Variants in FNTB observed in about 807,000 individuals in gnomAD.
The protein encoded by FNTB is farnesyltransferase, CAAX box, subunit beta.
A neutral mutation model predicts 59.4 loss-of-function variants in FNTB; 27 were observed. The observed-to-expected ratio is 0.45, with a 90% CI of 0.34 to 0.63. The LOEUF (loss-of-function observed/expected upper bound fraction) is 0.63, where lower values mean the gene tolerates loss of function less well. FNTB is among the 20% of genes least tolerant of loss of function. The pLI is 0.02. For missense variants in FNTB, 449 were observed against 559.6 expected, an observed-to-expected ratio of 0.80 and a Z score of 1.99; for synonymous variants, 230 against 220.7, an observed-to-expected ratio of 1.04 and a Z score of -0.37.
At chr14:65,049,878 A>G (rs1273217054) in intron 9 of FNTB, among the ~76,000 whole-genome samples, 3 of 152,046 alleles carry the variant, frequency 2.0e-5, no homozygotes, top group Non-Finnish European at 2.9e-5. Context: ...CATTTTCATC[A>G]CTCATCCCCC....
chr14:65,050,496 C>G (rs2062582637), intron 9 of FNTB, among the ~76,000 whole-genome samples: 1 of 152,128 alleles, frequency 6.6e-6, no homozygotes, highest in Non-Finnish European at 1.5e-5. Flanking sequence ...GAGGCTGAGA[C>G]AGGAGAATGA....
At position 65,027,051 on chromosome 14, in the gene FNTB, T is replaced by G. The variant is rs936949537; in HGVS notation, c.375-402T>G. Among the ~76,000 whole-genome samples the G allele has an allele frequency of 6.6e-6, 1 of 151,916 alleles. No homozygotes were observed. The highest frequency in any genetic ancestry group is 6.6e-5 in the Admixed American group (1 of 15,262). ...GTTGAGCACCATGTTTTGGCAAAAT[T>G]CAAAGGCTGGGAGGTTCCCAAAGGC... is the stretch of plus-strand genomic sequence containing the variant. On this transcript the variant is annotated intron_variant, in intron 4 of 11. Transcript: ENST00000246166. The surrounding 1 kb of genome is among the most constrained non-coding windows in gnomAD (Gnocchi z 5.7).
intron 7 of FNTB, among the ~76,000 whole-genome samples, chr14:65,037,755 T>A (rs1167448264): frequency 7.8e-6 from 1 of 128,490 alleles, no homozygotes; most frequent in Non-Finnish European, 1.6e-5. Context: ...TTTATTTATT[T>A]ATTTATTTAT....
Position 65,011,142 on chromosome 14 carries a change from T to C in FNTB, c.210-1175T>C, listed in dbSNP as rs946076971. ...AAGAGTTTTTGAGGTAAAGACTACATGAAGGGCTGGGTGCGGTGGCTCACG... is the reference window on the plus strand; with the variant it reads ...AAGAGTTTTTGAGGTAAAGACTACACGAAGGGCTGGGTGCGGTGGCTCACG... On this transcript the variant is annotated intron_variant, in intron 2 of 11. Transcript: ENST00000246166. The surrounding 1 kb of genome is among the most constrained non-coding windows in gnomAD (Gnocchi z 4.0). Among the ~76,000 whole-genome samples the C allele has an allele frequency of 1.3e-5, 2 of 152,176 alleles. No individual in the cohort carries two copies. The highest frequency in any genetic ancestry group is 4.8e-5 in the African/African-American group (2 of 41,440).
intron 9 of FNTB, 79 bp from the exon 10 acceptor site, chr14:65,053,159 C>T: frequency 8.8e-7 from 1 of 1,139,126 alleles, no homozygotes; most frequent in Non-Finnish European, 1.1e-6. Flanking sequence ...GACTATTCCC[C>T]CAGGTGAGAA....
intron 7 of FNTB, among the ~76,000 whole-genome samples, chr14:65,037,617 G>A (rs1779421041): frequency 1.3e-5 from 2 of 149,118 alleles, no homozygotes; most frequent in Admixed American, 1.3e-4. Context: ...TAGAGACAAA[G>A]CCTCACCACA....
intron 9 of FNTB, among the ~76,000 whole-genome samples, chr14:65,052,410 T>C (rs2062636691): frequency 6.6e-6 from 1 of 152,206 alleles, no homozygotes; most frequent in African/African-American, 2.4e-5. Flanking sequence ...TCAGGCATCT[T>C]TTAGCCCAGG....
chr14:65,040,161 A>G (rs2062312275), intron 7 of FNTB, among the ~76,000 whole-genome samples: 1 of 152,104 alleles, frequency 6.6e-6, no homozygotes, highest in Admixed American at 6.6e-5. Context: ...CAACCTAGGT[A>G]ACAGAGTTAA....
In FNTB at chr14:65,034,811, C is replaced by T. The variant is rs139573709; in HGVS notation, c.692+2115C>T. 3.1e-3 allele frequency among the ~76,000 whole-genome samples: 478 copies of T among 152,326 alleles called. 2 individuals are homozygous for T. Among genetic ancestry groups the T allele is most frequent in the African/African-American group, 0.011 (453 of 41,582 alleles). On this transcript the variant is annotated intron_variant, in intron 7 of 11. Transcript: ENST00000246166. ...TGTCCTGGAGTTGGCATGTCAGCTCCATGAGTCTTCCTGTGCTGAGTGATG... is the reference window on the plus strand; with the variant it reads ...TGTCCTGGAGTTGGCATGTCAGCTCTATGAGTCTTCCTGTGCTGAGTGATG...
intron 2 of FNTB, among the ~76,000 whole-genome samples, chr14:65,005,462 T>TTTCA (rs1491156481): frequency 8.8e-6 from 1 of 113,670 alleles, no homozygotes. Flanking sequence ...TCTTTCTTTC[T>TTTCA]TTCTTTCTTT....
rs2062105525 is a variant in FNTB at position 65,032,483 on chromosome 14, T to C, written c.606-127T>C. 2 of 924,806 alleles carry C rather than the reference T, an allele frequency of 2.2e-6. No homozygotes were observed. The highest frequency in any genetic ancestry group is 3.1e-6 in the Non-Finnish European group (2 of 639,250). 57.3% of individuals were successfully genotyped at this position (924,806 alleles called of 1,614,324 possible). On this transcript the variant is annotated intron_variant, in intron 6 of 11. Coordinates refer to ENST00000246166, the MANE Select transcript of FNTB (RefSeq NM_002028.4). This position sits in a 1 kb window ranked among gnomAD's most constrained non-coding sequence, Gnocchi z 5.0. ...TGGAGACCCAGGAGGACTGACCGTG[T>C]GCCAAGAGTGAGGACAGGAGGTGAT... is the stretch of plus-strand genomic sequence containing the variant.
intron 8 of FNTB, 85 bp downstream of exon 8, chr14:65,041,004 T>C (rs2062340367): frequency 1.3e-6 from 2 of 1,557,880 alleles, no homozygotes; most frequent in Middle Eastern, 1.7e-4. Context: ...TCAGGAGAGT[T>C]TGGCTATGGG....
chr14:65,040,277 ATG>A (rs906756036), intron 7 of FNTB, among the ~76,000 whole-genome samples: 1 of 148,712 alleles, frequency 6.7e-6, no homozygotes, highest in Admixed American at 6.7e-5. Flanking sequence ...ATGTATATAT[ATG>A]TGTGTATATA....
rs1462240259 is a variant in FNTB at position 65,047,630 on chromosome 14, A to C, written c.955+3187A>C. Among the ~76,000 whole-genome samples, 2 of 152,182 alleles carry C rather than the reference A, an allele frequency of 1.3e-5. No individual in the cohort carries two copies. The highest frequency in any genetic ancestry group is 2.9e-5 in the Non-Finnish European group (2 of 68,030). ...AGACATCCATTTAAATTATAAGGGCACTTACCCTTTGAACACAGCAAGTGC... is the reference window on the plus strand; with the variant it reads ...AGACATCCATTTAAATTATAAGGGCCCTTACCCTTTGAACACAGCAAGTGC... On this transcript the variant is annotated intron_variant, in intron 9 of 11. Transcript: ENST00000246166. This position sits in a 1 kb window ranked among gnomAD's most constrained non-coding sequence, Gnocchi z 5.2.
In FNTB at chr14:64,994,848, A is replaced by G. The variant is rs1341522062; in HGVS notation, c.144+7751A>G. Among the ~76,000 whole-genome samples, 1 of 152,208 alleles carries G rather than the reference A, an allele frequency of 6.6e-6. No individual in the cohort carries two copies. Among genetic ancestry groups the G allele is most frequent in the Non-Finnish European group, 1.5e-5 (1 of 68,038 alleles). On this transcript the variant is annotated intron_variant, in intron 1 of 11. Transcript: ENST00000246166. This position sits in a 1 kb window ranked among gnomAD's most constrained non-coding sequence, Gnocchi z 4.2. Reference sequence around the variant, plus strand: ...AAAATAAACACGGTATGCTTAAGCTACACTAAATTTATTCATACGCTTTTT... The same window carrying G: ...AAAATAAACACGGTATGCTTAAGCTGCACTAAATTTATTCATACGCTTTTT...
rs552240196 is a variant in FNTB, at chr14:65,040,561, C to T, written c.693-229C>T. On this transcript the variant is annotated intron_variant, in intron 7 of 11. Coordinates refer to ENST00000246166, the MANE Select transcript of FNTB (RefSeq NM_002028.4). ...CCTCAAGTGATCTTCTTGCCTTAGT[C>T]TCCTGAGCAGCTGGGATTACACATG... is the stretch of plus-strand genomic sequence containing the variant. Among the ~76,000 whole-genome samples the T allele has an allele frequency of 2.0e-4, 30 of 150,848 alleles. 1 individual carries two copies. In the South Asian group the frequency reaches 5.0e-3, roughly 25 times the overall value.
rs78188263 is a variant in FNTB at position 65,053,690 on chromosome 14, T to C, written c.1067+341T>C. ...TACAGGATTTTAAAACCCCTCAGTG[T>C]TGTAAACAGAGACTGTAATCATGAC... On this transcript the variant is annotated intron_variant, in intron 10 of 11. Transcript: ENST00000246166. Among the ~76,000 whole-genome samples, 938 of 152,200 alleles carry C rather than the reference T, an allele frequency of 6.2e-3. 11 individuals are homozygous for C. Among genetic ancestry groups the C allele is most frequent in the African/African-American group, 0.021 (887 of 41,510 alleles).
chr14:65,047,515 G>T lies in FNTB; in HGVS notation c.955+3072G>T, dbSNP rs2062510892. ...TGGATTGGCAGAGATTAAAAAACTT[G>T]ATACCCTATGTTGGGGAGAGTGTGA... On this transcript the variant is annotated intron_variant, in intron 9 of 11. Coordinates refer to ENST00000246166, the MANE Select transcript of FNTB (RefSeq NM_002028.4). This position sits in a 1 kb window ranked among gnomAD's most constrained non-coding sequence, Gnocchi z 5.2. 6.6e-6 allele frequency among the ~76,000 whole-genome samples: 1 copy of T among 152,200 alleles called. No individual in the cohort carries two copies. The highest frequency in any genetic ancestry group is 1.5e-5 in the Non-Finnish European group (1 of 68,032).
chr14:65,012,303 G>C lies in FNTB; in HGVS notation c.210-14G>C. The C allele has an allele frequency of 1.9e-6, 3 of 1,613,910 alleles. No individual in the cohort carries two copies. Among genetic ancestry groups the C allele is most frequent in the Non-Finnish European group, 2.5e-6 (3 of 1,179,862 alleles). ...AGCTATTAGAATGGGCTTATAAACTGTTTGTCTTTCCAGGCTTGTTTTGCA... is the reference window on the plus strand; with the variant it reads ...AGCTATTAGAATGGGCTTATAAACTCTTTGTCTTTCCAGGCTTGTTTTGCA... On this transcript the variant is annotated splice_polypyrimidine_tract_variant and intron_variant, in intron 2 of 11. Coordinates refer to ENST00000246166, the MANE Select transcript of FNTB (RefSeq NM_002028.4). This position sits in a 1 kb window ranked among gnomAD's most constrained non-coding sequence, Gnocchi z 5.0.
Sources: gnomAD v4.1 joint callset for allele counts (sites outside exome capture counted in the v4.1 genomes callset) on GRCh38, gnomAD v4.1.1 for gene constraint, Gnocchi (gnomAD v3.1) non-coding constraint, MANE v1.5 for transcripts, NCBI Gene and HGNC (gene_info 2026-07-23, HGNC 2026-07-21) for gene names.